Variants in ADAM12 observed in about 807,000 individuals in gnomAD.
The protein encoded by ADAM12 is ADAM metallopeptidase domain 12.
In ADAM12, 70 loss-of-function variants were observed where a neutral mutation model predicts 106.4. The ratio of observed to expected loss-of-function variants is 0.66; its 90% CI spans 0.54 to 0.80. The LOEUF (loss-of-function observed/expected upper bound fraction) is 0.80, where lower values mean the gene tolerates loss of function less well. Among genes scored for constraint, ADAM12 ranks in the 30% least tolerant of loss-of-function variants. ADAM12 has a pLI of 0.00. For synonymous variants in ADAM12, 420 were observed against 433.5 expected, an observed-to-expected ratio of 0.97 and a Z score of 0.39; for missense variants, 1,010 against 1,171.9, an observed-to-expected ratio of 0.86 and a Z score of 2.02.
chr10:126,268,994 G>A (rs917658069), intron 3 of ADAM12, among the ~76,000 whole-genome samples: 1 of 152,200 alleles, frequency 6.6e-6, no homozygotes, highest in Non-Finnish European at 1.5e-5. Flanking sequence ...CATAGACACA[G>A]CAGCCCCGAG....
At chr10:126,038,952 CTTTT>C (rs34277276) in intron 19 of ADAM12, among the ~76,000 whole-genome samples, 354 of 71,514 alleles carry the variant, frequency 5.0e-3, no homozygotes, top group African/African-American at 0.017. Context: ...GACACCATTT[CTTTT>C]TTTTTTTTTT....
At chr10:126,121,416 AATATGCAATATAT>A (rs1956109403) in intron 5 of ADAM12, among the ~76,000 whole-genome samples, 2 of 130,188 alleles carry the variant, frequency 1.5e-5, no homozygotes, top group Admixed American at 1.7e-4. Flanking sequence ...CATATTATAT[AATATGCAATATAT>A]TATATATTGC....
intron 3 of ADAM12, among the ~76,000 whole-genome samples, chr10:126,277,246 T>C (rs558479691): frequency 6.6e-6 from 1 of 152,328 alleles, no homozygotes; most frequent in East Asian, 1.9e-4. Flanking sequence ...TCACTGGGTA[T>C]GTATATTGTT....
intron 2 of ADAM12, among the ~76,000 whole-genome samples, chr10:126,285,635 T>A (rs1425023624): frequency 1.3e-5 from 2 of 152,202 alleles, no homozygotes; most frequent in South Asian, 2.1e-4. Flanking sequence ...TGATACTGCA[T>A]TTACTCCAAA....
Position 126,017,336 on chromosome 10 carries a change from A to G in ADAM12, c.2664T>C (p.Pro888=). 6.3e-7 allele frequency: 1 copy of G among 1,583,196 alleles called. No homozygotes were observed. The highest frequency in any genetic ancestry group is 1.3e-5 in the African/African-American group (1 of 74,652). ...ETGLRLAPLR[P]APQYPHQVPR... ...GCACTTGGTGTGGATATTGTGGAGC[A>G]GGTCTGAATGAAGAGAGGAGAAAAA... Residue 888 remains proline, a synonymous_variant, in exon 23 of 23, where the codon CCT becomes CCC. Transcript: ENST00000448723.
chr10:126,371,279 A>T (rs76347187), intron 1 of ADAM12, among the ~76,000 whole-genome samples: 2,082 of 152,352 alleles, frequency 0.014, 30 homozygotes, highest in Non-Finnish European at 0.018. Flanking sequence ...CCTATGAAGA[A>T]AGAGCAATTA....
chr10:126,124,224 C>G (rs1956161395), intron 5 of ADAM12, among the ~76,000 whole-genome samples: 1 of 151,656 alleles, frequency 6.6e-6, no homozygotes, highest in South Asian at 2.1e-4. Flanking sequence ...TAGAAAAAGA[C>G]TTTTGGTCTC....
intron 3 of ADAM12, among the ~76,000 whole-genome samples, chr10:126,191,952 A>C (rs1957510025): frequency 6.6e-6 from 1 of 152,312 alleles, no homozygotes; most frequent in South Asian, 2.1e-4. Context: ...CACGTCTTAC[A>C]TGGCTGGATG....
Position 126,073,279 on chromosome 10 carries a change from G to T in ADAM12, c.1146-1625C>A, listed in dbSNP as rs369804134. 3.9e-5 allele frequency among the ~76,000 whole-genome samples: 6 copies of T among 152,206 alleles called. No homozygotes were observed. The East Asian group carries it at 5.8e-4, about 15-fold the overall frequency. ...AATTTTGTATTTTTAGTAGAGATGG[G>T]GTTTCACCATGTTGGCCAGGCTGGC... On this transcript the variant is annotated intron_variant, in intron 11 of 22. Coordinates refer to ENST00000448723, the MANE Select transcript of ADAM12 (RefSeq NM_001288973.2).
chr10:126,251,904 T>TAGGATGGATGGATGGGATGGAG (rs1958780162), intron 3 of ADAM12, among the ~76,000 whole-genome samples: 1 of 6,808 alleles, frequency 1.5e-4, no homozygotes, highest in African/African-American at 5.0e-4. Context: ...ATGGGATGGA[T>TAGGATGGATGGATGGGATGGAG]AGGATGGATG....
intron 3 of ADAM12, among the ~76,000 whole-genome samples, chr10:126,182,023 A>C (rs1957321284): frequency 6.6e-6 from 1 of 152,172 alleles, no homozygotes; most frequent in South Asian, 2.1e-4. Context: ...AAAGCACATG[A>C]TTAGGGAAAC....
At position 126,094,091 on chromosome 10, in the gene ADAM12, G is replaced by A; in HGVS notation, c.1039C>T (p.His347Tyr). 6.2e-7 allele frequency: 1 copy of A among 1,614,158 alleles called. No homozygotes were observed. The highest frequency in any genetic ancestry group is 8.5e-7 in the Non-Finnish European group (1 of 1,180,028). ...ATCCCGAAATTGTGGCCCAGCTCATGTGCCAGGGTCACGGCTGCACCAAGG... is the reference window on the plus strand; with the variant it reads ...ATCCCGAAATTGTGGCCCAGCTCATATGCCAGGGTCACGGCTGCACCAAGG... ...NPLGAAVTLA[H>Y]ELGHNFGMNH... Residue 347 changes from histidine (H) to tyrosine (Y), a missense_variant, in exon 11 of 23, where the codon CAT becomes TAT. Physicochemically the swap from His to Tyr is moderately conservative, Grantham distance 83. Coordinates refer to ENST00000448723, the MANE Select transcript of ADAM12 (RefSeq NM_001288973.2).
chr10:126,280,459 A>T (rs1395599745), intron 2 of ADAM12, among the ~76,000 whole-genome samples: 2 of 152,212 alleles, frequency 1.3e-5, no homozygotes, highest in African/African-American at 4.8e-5. Flanking sequence ...ACATTGCCAG[A>T]CTCAATAACT....
At chr10:126,320,713 G>A (rs1253850208) in intron 2 of ADAM12, among the ~76,000 whole-genome samples, 1 of 152,140 alleles carries the variant, frequency 6.6e-6, no homozygotes, top group Non-Finnish European at 1.5e-5. Flanking sequence ...TTTAAAGTAA[G>A]ATTTTAGAAT....
At chr10:126,229,496 A>G (rs1396988270) in intron 3 of ADAM12, among the ~76,000 whole-genome samples, 1 of 152,176 alleles carries the variant, frequency 6.6e-6, no homozygotes, top group Admixed American at 6.5e-5. Flanking sequence ...ACTTGAGAAA[A>G]TTATAAAGAA....
rs1442521126 is a variant in ADAM12, at chr10:126,066,352, C to T, written c.1413+365G>A. ...GATCAAGAAGATGAACCTGGGGGAA[C>T]CTGAGTGACAGTGGATGGGGACTTG... On this transcript the variant is annotated intron_variant, in intron 13 of 22. Transcript: ENST00000448723. The surrounding 1 kb of genome is among the most constrained non-coding windows in gnomAD (Gnocchi z 5.1). Among the ~76,000 whole-genome samples the T allele has an allele frequency of 6.6e-6, 1 of 152,194 alleles. No homozygotes were observed. Among genetic ancestry groups the T allele is most frequent in the East Asian group, 1.9e-4 (1 of 5,192 alleles).
At chr10:126,125,145 T>C (rs1590453667) in intron 5 of ADAM12, among the ~76,000 whole-genome samples, 1 of 151,246 alleles carries the variant, frequency 6.6e-6, no homozygotes, top group Admixed American at 6.6e-5. Flanking sequence ...TTTTCATCAT[T>C]CCCCCCAAAA....
chr10:126,150,125 C>T (rs1180203172), intron 4 of ADAM12, among the ~76,000 whole-genome samples: 2 of 152,196 alleles, frequency 1.3e-5, no homozygotes, highest in African/African-American at 4.8e-5. Context: ...CATCATAGAT[C>T]GTGGACATTT....
chr10:126,326,887 C>T (rs1167601923), intron 2 of ADAM12, among the ~76,000 whole-genome samples: 1 of 152,330 alleles, frequency 6.6e-6, no homozygotes, highest in East Asian at 1.9e-4. Flanking sequence ...GAGGCCTTTC[C>T]TGACCACCCT....
Sources: gnomAD v4.1 joint callset for allele counts (sites outside exome capture counted in the v4.1 genomes callset) on GRCh38, gnomAD v4.1.1 for gene constraint, Gnocchi (gnomAD v3.1) non-coding constraint, MANE v1.5 for transcripts, NCBI Gene and HGNC (gene_info 2026-07-23, HGNC 2026-07-21) for gene names.